The following FMN1 variants were observed in gnomAD, a reference collection of about 807,000 sequenced individuals.
The protein encoded by FMN1 is formin-1.
A neutral mutation model predicts 132.4 loss-of-function variants in FMN1; 110 were observed. That is an observed-to-expected ratio of 0.83 (90% CI 0.71 to 0.97). The LOEUF (loss-of-function observed/expected upper bound fraction) is 0.97, where lower values mean the gene tolerates loss of function less well. Ranked by LOEUF, FMN1 falls within the 50% of genes least tolerant of loss-of-function variation. The probability of loss-of-function intolerance (pLI) is 0.00; values close to 1 mark genes in which losing one functional copy is unlikely to be tolerated. For missense variants in FMN1, 1,792 were observed against 1,705.3 expected (o/e 1.05, Z -0.90); for synonymous variants, 722 against 651.7 (o/e 1.11, Z -1.64).
At chr15:32,920,180 C>T (rs1016604706) in intron 10 of FMN1, among the ~76,000 whole-genome samples, 2 of 152,020 alleles carry the variant, frequency 1.3e-5, no homozygotes, top group African/African-American at 2.4e-5. Context: ...TTCTATCTCC[C>T]CTGGGACAAG....
rs2058603292 is a variant in FMN1, at chr15:32,835,549, C to T, written c.3928+21466G>A. Among the ~76,000 whole-genome samples the T allele has an allele frequency of 2.0e-5, 3 of 152,120 alleles. No homozygotes were observed. In the South Asian group the frequency reaches 6.2e-4, roughly 32 times the overall value. ...CTAAGTTGCAACCTCAAAAACTTGG[C>T]AGTTTTCTCACCATGGACTGTGATT... On this transcript the variant is annotated intron_variant, in intron 17 of 20. Transcript: ENST00000616417.
At chr15:32,933,646 C>T (rs2061179798) in intron 9 of FMN1, among the ~76,000 whole-genome samples, 1 of 152,080 alleles carries the variant, frequency 6.6e-6, no homozygotes, top group Admixed American at 6.6e-5. Context: ...TTGGCTTGTA[C>T]GTTGGGTGCA....
chr15:32,898,950 A>ACGGTTGAGAGGTGAAATCT (rs2060226598), intron 14 of FMN1, 57 bp from the exon 15 acceptor site: 2 of 1,196,432 alleles, frequency 1.7e-6, no homozygotes, highest in Non-Finnish European at 1.2e-6. Flanking sequence ...GTCATGTTAC[A>ACGGTTGAGAGGTGAAATCT]CGGTTGAGAG....
intron 4 of FMN1, among the ~76,000 whole-genome samples, chr15:33,094,139 A>T (rs1462876064): frequency 6.6e-6 from 1 of 152,212 alleles, no homozygotes; most frequent in Non-Finnish European, 1.5e-5. Flanking sequence ...GGGCTTTAAC[A>T]TGTGGGCTAA....
intron 5 of FMN1, among the ~76,000 whole-genome samples, chr15:33,076,006 C>A (rs2038193590): frequency 6.6e-6 from 1 of 152,092 alleles, no homozygotes; most frequent in South Asian, 2.1e-4. Context: ...CTGGGTTGTT[C>A]CACCAACCAG....
chr15:32,854,271 G>A lies in FMN1; in HGVS notation c.3928+2744C>T, dbSNP rs576833229. 3.1e-4 allele frequency among the ~76,000 whole-genome samples: 47 copies of A among 152,250 alleles called. No individual in the cohort carries two copies. The South Asian group carries it at 3.5e-3, about 11-fold the overall frequency. On this transcript the variant is annotated intron_variant, in intron 17 of 20. Transcript: ENST00000616417. ...CTCAGTTTGGATTAGCCACATTTCA[G>A]CTTCTCAAAAGCCACATGTGGCTAG...
intron 6 of FMN1, among the ~76,000 whole-genome samples, chr15:33,015,746 C>A (rs141813814): frequency 2.1e-4 from 32 of 152,190 alleles, no homozygotes; most frequent in African/African-American, 7.2e-4. Context: ...TTGGACGATA[C>A]TCAATCAGTG....
At chr15:32,786,524 A>C (rs2056883513) in intron 19 of FMN1, among the ~76,000 whole-genome samples, 1 of 152,190 alleles carries the variant, frequency 6.6e-6, no homozygotes. Context: ...AAATACAAAA[A>C]GGAGTGAATA....
rs114332634 is a variant in FMN1 at position 33,012,784 on chromosome 15, G to A, written c.2162-4709C>T. 2.6e-3 allele frequency: 1,792 copies of A among 702,168 alleles called. 19 individuals are homozygous for A. The African/African-American group carries it at 0.028, about 11-fold the overall frequency. 43.5% of individuals were successfully genotyped at this position (702,168 alleles called of 1,614,324 possible). A position where few individuals can be genotyped will look rare whatever the true frequency, so the allele number is the denominator to read the frequency against. ...CTTTGGTTATGGAGAAAACTTCAGT[G>A]GTCATGGTGGCTTTAGTGGCAGCTG... On this transcript the variant is annotated intron_variant, in intron 6 of 20. Transcript: ENST00000616417.
intron 7 of FMN1, among the ~76,000 whole-genome samples, chr15:32,988,937 A>C (rs1024279097): frequency 6.6e-6 from 1 of 152,198 alleles, no homozygotes; most frequent in African/African-American, 2.4e-5. Flanking sequence ...ATGTTGTCTA[A>C]ACGCACAACA....
intron 6 of FMN1, among the ~76,000 whole-genome samples, chr15:33,033,689 T>C (rs2036055251): frequency 6.6e-6 from 1 of 151,960 alleles, no homozygotes; most frequent in Non-Finnish European, 1.5e-5. Flanking sequence ...TTTGTTCCTT[T>C]GTAGCAAAAT....
intron 6 of FMN1, among the ~76,000 whole-genome samples, chr15:33,017,393 G>C (rs887161162): frequency 2.1e-5 from 3 of 146,058 alleles, no homozygotes; most frequent in South Asian, 2.2e-4. Flanking sequence ...GGAAAGTGTG[G>C]TATGTGGGCG....
intron 3 of FMN1, among the ~76,000 whole-genome samples, chr15:33,171,511 A>G (rs1442340909): frequency 6.6e-6 from 1 of 152,120 alleles, no homozygotes; most frequent in Non-Finnish European, 1.5e-5. Flanking sequence ...GATTAAAAAA[A>G]CTTGTTTTGG....
chr15:33,128,001 G>A (rs183230131), intron 4 of FMN1, among the ~76,000 whole-genome samples: 40 of 152,272 alleles, frequency 2.6e-4, no homozygotes, highest in Non-Finnish European at 5.0e-4. Context: ...AACGGGGGAA[G>A]GGGAAAATAG....
chr15:33,106,273 T>TCC (rs1555400896), intron 4 of FMN1: 2 of 80,154 alleles, frequency 2.5e-5, no homozygotes, highest in South Asian at 1.3e-3. Context: ...CTAACCAGAA[T>TCC]CCACACACAC....
At chr15:33,092,293 G>A (rs978637779) in intron 4 of FMN1, among the ~76,000 whole-genome samples, 1 of 152,126 alleles carries the variant, frequency 6.6e-6, no homozygotes, top group African/African-American at 2.4e-5. Context: ...TTTAAAACAG[G>A]AGGCAGTGTC....
chr15:32,992,702 T>C (rs954902687), intron 7 of FMN1, among the ~76,000 whole-genome samples: 1 of 152,192 alleles, frequency 6.6e-6, no homozygotes, highest in African/African-American at 2.4e-5. Context: ...ATGTGCAATA[T>C]CATATTCCTA....
At chr15:33,191,439 A>G (rs140186434) in intron 2 of FMN1, among the ~76,000 whole-genome samples, 267 of 152,342 alleles carry the variant, frequency 1.8e-3, no homozygotes, top group African/African-American at 5.9e-3. Flanking sequence ...TACAGAGATC[A>G]TGGTCATTTC....
chr15:32,863,893 G>A (rs2059334554), intron 16 of FMN1, among the ~76,000 whole-genome samples: 1 of 152,160 alleles, frequency 6.6e-6, no homozygotes, highest in African/African-American at 2.4e-5. Context: ...TCTTCTTATG[G>A]CATTGGCCTT....
Sources: gnomAD v4.1 joint callset for allele counts (sites outside exome capture counted in the v4.1 genomes callset) on GRCh38, gnomAD v4.1.1 for gene constraint, MANE v1.5 for transcripts, NCBI Gene and HGNC (gene_info 2026-07-23, HGNC 2026-07-21) for gene names.